Variants in JMY observed in about 807,000 individuals in gnomAD.
The protein encoded by JMY is junction mediating and regulatory protein, p53 cofactor.
A neutral mutation model predicts 103.3 loss-of-function variants in JMY; 46 were observed. The observed-to-expected ratio is 0.45, with a 90% CI of 0.35 to 0.57. The LOEUF is 0.57. Among genes scored for constraint, JMY ranks in the 20% least tolerant of loss-of-function variants. The probability of loss-of-function intolerance (pLI) is 0.00; values close to 1 mark genes in which losing one functional copy is unlikely to be tolerated. For synonymous variants in JMY, 526 were observed against 489.3 expected (o/e 1.07, Z -0.99); for missense variants, 1,238 against 1,255.2 (o/e 0.99, Z 0.21).
Position 79,316,136 on chromosome 5 carries a change from G to C in JMY, c.2796G>C (p.Gly932=). ...SNNILAQIRK[G]VKLKKVQKDV... ...ATATCTTGGCACAAATAAGGAAAGG[G>C]GTAAAATTGAAGAAGGTACAGAAGG... Residue 932 remains glycine (G), a synonymous_variant, in exon 10 of 11, where the codon GGG becomes GGC. Transcript: ENST00000396137. 6.2e-7 allele frequency: 1 copy of C among 1,614,078 alleles called. No homozygotes were observed. Among genetic ancestry groups the C allele is most frequent in the Middle Eastern group, 1.6e-4 (1 of 6,062 alleles).
At chr5:79,246,879 C>T (rs1744920856) in intron 1 of JMY, among the ~76,000 whole-genome samples, 1 of 149,992 alleles carries the variant, frequency 6.7e-6, no homozygotes, top group Admixed American at 6.6e-5. Flanking sequence ...AAGACACCAT[C>T]TCAAAAAAAA....
chr5:79,237,615 G>T lies in JMY; in HGVS notation c.965G>T (p.Ser322Ile). Residue 322 changes from serine to isoleucine, a missense_variant, in exon 1 of 11, where the codon AGC (serine) becomes ATC (isoleucine). Transcript: ENST00000396137. ...ETDDPEEYYE[S>I]LSELRQKGYE... ...GATGATCCCGAGGAGTATTACGAAA[G>T]CCTCAGCGAGCTGCGGCAGAAGGGC... 1 of 1,613,798 alleles carries T rather than the reference G, an allele frequency of 6.2e-7. No individual in the cohort carries two copies. Among genetic ancestry groups the T allele is most frequent in the Non-Finnish European group, 8.5e-7 (1 of 1,180,024 alleles).
rs145838024 is a variant in JMY, at chr5:79,260,963, C to T, written c.1033-16947C>T. Among the ~76,000 whole-genome samples, 30 of 152,126 alleles carry T rather than the reference C, an allele frequency of 2.0e-4. No homozygotes were observed. The East Asian group carries it at 5.8e-3, about 29-fold the overall frequency. On this transcript the variant is annotated intron_variant, in intron 1 of 10. Transcript: ENST00000396137. ...GGTAGGTTCCTTCCATCCAAGTATC[C>T]TAAGTCACTCCCTTTCACAGTAATT...
At chr5:79,273,263 G>GT (rs761792130) in intron 1 of JMY, among the ~76,000 whole-genome samples, 7 of 152,022 alleles carry the variant, frequency 4.6e-5, no homozygotes, top group Non-Finnish European at 1.0e-4. Context: ...TAATTTAACT[G>GT]TTTATTTTTT....
Position 79,314,323 on chromosome 5 carries a change from G to A in JMY, c.2131G>A (p.Ala711Thr). The A allele has an allele frequency of 6.2e-7, 1 of 1,614,178 alleles. No homozygotes were observed. The change falls in exon 9 of 11, where the codon GCA (alanine) becomes ACA (threonine). Residue 711 changes from alanine to threonine, a missense_variant. Ala to Thr is a moderately conservative substitution (Grantham distance 58). Coordinates refer to ENST00000396137, the MANE Select transcript of JMY (RefSeq NM_152405.5). ...LRLAHARRKG[A>T]ASPVLQEDHC... is the part of the protein sequence containing the mutation. The stretch of plus-strand genomic sequence containing the variant: ...ACTAGCTCATGCAAGAAGAAAAGGT[G>A]CAGCAAGTCCTGTTCTCCAAGAGGA...
chr5:79,271,409 T>C (rs1745779891), intron 1 of JMY, among the ~76,000 whole-genome samples: 1 of 152,164 alleles, frequency 6.6e-6, no homozygotes, highest in Non-Finnish European at 1.5e-5. Flanking sequence ...AGTTAGGAAG[T>C]ATTCCCTCTA....
chr5:79,258,189 G>T (rs1040097182), intron 1 of JMY, among the ~76,000 whole-genome samples: 6 of 151,866 alleles, frequency 4.0e-5, no homozygotes, highest in African/African-American at 9.7e-5. Flanking sequence ...ACAAAGGAAA[G>T]AATCTGAAAA....
intron 1 of JMY, among the ~76,000 whole-genome samples, chr5:79,261,872 G>A (rs987850434): frequency 6.6e-5 from 10 of 152,056 alleles, no homozygotes; most frequent in Non-Finnish European, 1.5e-5. Context: ...TGATCTGCCC[G>A]TCTAGGCCTC....
intron 2 of JMY, among the ~76,000 whole-genome samples, chr5:79,282,992 T>C (rs949965400): frequency 6.7e-6 from 1 of 149,290 alleles, no homozygotes; most frequent in African/African-American, 2.4e-5. Flanking sequence ...ATGATAATAA[T>C]AATAATAATT....
chr5:79,311,583 AGAC>A (rs779091614), intron 7 of JMY, among the ~76,000 whole-genome samples: 4 of 152,202 alleles, frequency 2.6e-5, no homozygotes, highest in Non-Finnish European at 5.9e-5. Flanking sequence ...GCAAGAAAAT[AGAC>A]AACCCATTTA....
At position 79,314,631 on chromosome 5, in the gene JMY, T is replaced by TCCCCCCCCCCCCCCCCCCCCCC; in HGVS notation, c.2444_2445insCCCCCCCCCCCCCCCCCCCCCC (p.Pro823ThrfsTer15). 1.1e-5 allele frequency: 11 copies of TCCCCCCCCCCCCCCCCCCCCCC among 978,590 alleles called. No homozygotes were observed. The highest frequency in any genetic ancestry group is 6.5e-5 in the South Asian group (5 of 77,372). The allele number at this position is 978,590 out of a possible 1,614,324, so 60.6% of individuals were successfully genotyped here. On this transcript the variant is annotated frameshift_variant, in exon 9 of 11. Coordinates refer to ENST00000396137, the MANE Select transcript of JMY (RefSeq NM_152405.5). LOFTEE classifies it high-confidence loss of function. ...CCCCTCTTCCTCCAACACCACCACC[T>TCCCCCCCCCCCCCCCCCCCCCC]CCCCCACCTCCTCCCCCTCCCCCAC... is the stretch of plus-strand genomic sequence containing the variant.
chr5:79,287,156 G>A (rs993159798), intron 2 of JMY, among the ~76,000 whole-genome samples: 1 of 152,130 alleles, frequency 6.6e-6, no homozygotes, highest in Non-Finnish European at 1.5e-5. Flanking sequence ...ATTAGATTCC[G>A]TTACTGCTTC....
At position 79,325,259 on chromosome 5, in the gene JMY, T is replaced by C. The variant is rs1439958904; in HGVS notation, c.*3657T>C. On this transcript the variant is annotated 3_prime_UTR_variant, in exon 11 of 11. Transcript: ENST00000396137. Reference sequence around the variant, plus strand: ...TTTTTTCAGCTTTATTATTGAAGTATTACAAACTTAACATCAGATACCAAT... The same window carrying C: ...TTTTTTCAGCTTTATTATTGAAGTACTACAAACTTAACATCAGATACCAAT... 3 of 152,172 alleles carry C rather than the reference T, an allele frequency of 2.0e-5. No individual in the cohort carries two copies. The South Asian group carries it at 6.2e-4, about 31-fold the overall frequency. 9.4% of individuals were successfully genotyped at this position (152,172 alleles called of 1,614,324 possible). A position where few individuals can be genotyped will look rare whatever the true frequency, so the allele number is the denominator to read the frequency against.
At chr5:79,257,536 C>G (rs962995709) in intron 1 of JMY, among the ~76,000 whole-genome samples, 2 of 152,054 alleles carry the variant, frequency 1.3e-5, no homozygotes, top group Non-Finnish European at 2.9e-5. Flanking sequence ...CCAGGAATGT[C>G]GAGGCTGCAG....
chr5:79,325,525 A>T lies in JMY; in HGVS notation c.*3923A>T, dbSNP rs1025956728. ...GCATTTTAAACAGATTCTATTTCCC[A>T]CTTACTGCTTAGCATAGAAAAAGAG... On this transcript the variant is annotated 3_prime_UTR_variant, in exon 11 of 11. Transcript: ENST00000396137. The T allele has an allele frequency of 1.3e-5, 2 of 152,134 alleles. No individual in the cohort carries two copies. The highest frequency in any genetic ancestry group is 2.9e-5 in the Non-Finnish European group (2 of 68,004). 9.4% of individuals were successfully genotyped at this position (152,134 alleles called of 1,614,324 possible).
At chr5:79,250,292 T>G (rs1745042096) in intron 1 of JMY, among the ~76,000 whole-genome samples, 1 of 152,234 alleles carries the variant, frequency 6.6e-6, no homozygotes, top group Admixed American at 6.5e-5. Flanking sequence ...TCCTAGTACG[T>G]GCTTTCCCAA....
At position 79,326,699 on chromosome 5, in the gene JMY, G is replaced by C. The variant is rs1344748309; in HGVS notation, c.*5097G>C. Reference sequence around the variant, plus strand: ...TAAGGAGACTGACATGATTTTTATCGGTTCTGGGTAAATGAAAATTTTAAT... The same window carrying C: ...TAAGGAGACTGACATGATTTTTATCCGTTCTGGGTAAATGAAAATTTTAAT... On this transcript the variant is annotated 3_prime_UTR_variant, in exon 11 of 11. Transcript: ENST00000396137. 1 of 152,094 alleles carries C rather than the reference G, an allele frequency of 6.6e-6. No homozygotes were observed. The highest frequency in any genetic ancestry group is 1.5e-5 in the Non-Finnish European group (1 of 67,982). The allele number at this position is 152,094 out of a possible 1,614,324, so 9.4% of individuals were successfully genotyped here.
At chr5:79,319,858 G>A (rs556753914) in intron 10 of JMY, among the ~76,000 whole-genome samples, 5 of 152,212 alleles carry the variant, frequency 3.3e-5, no homozygotes, top group South Asian at 2.1e-4. Flanking sequence ...GGGATTACAG[G>A]TGTGAGCCAC....
intron 1 of JMY, among the ~76,000 whole-genome samples, chr5:79,271,800 C>T (rs996759003): frequency 3.3e-5 from 5 of 152,056 alleles, no homozygotes; most frequent in African/African-American, 9.7e-5. Flanking sequence ...GATGAATTGA[C>T]TCTTTCGTGT....
Sources: allele counts gnomAD v4.1 joint callset (sites outside exome capture counted in the v4.1 genomes callset), GRCh38; gene constraint gnomAD v4.1.1; transcripts MANE v1.5; gene names NCBI Gene and HGNC (gene_info 2026-07-23, HGNC 2026-07-21).